Variants in GRM3 observed in about 807,000 individuals in gnomAD.
GRM3 encodes the protein metabotropic glutamate receptor 3.
In GRM3, 26 loss-of-function variants were observed where a neutral mutation model predicts 70.5. The observed-to-expected ratio is 0.37, with a 90% CI of 0.27 to 0.51. The LOEUF is 0.51. Ranked by LOEUF, GRM3 falls within the 20% of genes least tolerant of loss-of-function variation. GRM3 has a pLI of 0.93. For synonymous variants in GRM3, 443 were observed against 434.9 expected (o/e 1.02, Z -0.23); for missense variants, 859 against 1,123.8 (o/e 0.76, Z 3.37).
chr7:86,732,150 A>G (rs1295580465), intron 1 of GRM3, among the ~76,000 whole-genome samples: 1 of 152,196 alleles, frequency 6.6e-6, no homozygotes, highest in Non-Finnish European at 1.5e-5. Context: ...TTCAAAATAT[A>G]TGTATTAAGA....
At chr7:86,852,002 A>T (rs1445205722) in intron 5 of GRM3, among the ~76,000 whole-genome samples, 1 of 152,080 alleles carries the variant, frequency 6.6e-6, no homozygotes, top group Admixed American at 6.6e-5. Context: ...CTTTACACAC[A>T]TGTGTGTATG....
chr7:86,764,712 AC>A (rs1328611328), intron 1 of GRM3, among the ~76,000 whole-genome samples: 1 of 152,066 alleles, frequency 6.6e-6, no homozygotes, highest in Non-Finnish European at 1.5e-5. Flanking sequence ...AGAAAAAAAA[AC>A]AAAACACAAA....
chr7:86,864,624 A>T lies in GRM3; in HGVS notation c.*269A>T. The T allele has an allele frequency of 3.7e-6, 1 of 268,400 alleles. No homozygotes were observed. The highest frequency in any genetic ancestry group is 6.2e-5 in the East Asian group (1 of 16,248). 16.6% of individuals were successfully genotyped at this position (268,400 alleles called of 1,614,324 possible). A position where few individuals can be genotyped will look rare whatever the true frequency, so the allele number is the denominator to read the frequency against. On this transcript the variant is annotated 3_prime_UTR_variant, in exon 6 of 6. Transcript: ENST00000361669. The stretch of plus-strand genomic sequence containing the variant: ...ATTGGTGACAGGGTCTGACATGGTC[A>T]GTCTACTAAAAAACAAAAAAAAAAA...
At chr7:86,793,926 A>G (rs1797486663) in intron 3 of GRM3, among the ~76,000 whole-genome samples, 1 of 152,168 alleles carries the variant, frequency 6.6e-6, no homozygotes, top group Non-Finnish European at 1.5e-5. Context: ...TATGAAAGAA[A>G]TGGATCATAC....
At chr7:86,802,542 C>T (rs1048125384) in intron 3 of GRM3, among the ~76,000 whole-genome samples, 6 of 151,576 alleles carry the variant, frequency 4.0e-5, no homozygotes, top group African/African-American at 7.3e-5. Flanking sequence ...CATCAGATTG[C>T]GCCAGATCAA....
At chr7:86,788,591 T>G (rs1797328726) in intron 3 of GRM3, among the ~76,000 whole-genome samples, 1 of 151,970 alleles carries the variant, frequency 6.6e-6, no homozygotes, top group South Asian at 2.1e-4. Context: ...ATAAAAAGAG[T>G]AATAAATGAG....
At chr7:86,817,947 A>C (rs1427168244) in intron 3 of GRM3, among the ~76,000 whole-genome samples, 1 of 152,006 alleles carries the variant, frequency 6.6e-6, no homozygotes, top group Non-Finnish European at 1.5e-5. Context: ...AGATCAATGC[A>C]ATACATGCAC....
At chr7:86,833,653 G>A (rs1798398620) in intron 3 of GRM3, among the ~76,000 whole-genome samples, 1 of 152,104 alleles carries the variant, frequency 6.6e-6, no homozygotes, top group Non-Finnish European at 1.5e-5. Flanking sequence ...CATTGCGTTC[G>A]AAATAACCGT....
intron 2 of GRM3, among the ~76,000 whole-genome samples, chr7:86,767,518 TATA>T (rs1796631939): frequency 2.5e-4 from 1 of 4,060 alleles, no homozygotes; most frequent in African/African-American, 3.8e-3. Flanking sequence ...ATACTTCATA[TATA>T]TATATATATA....
chr7:86,794,127 G>A (rs1162215945), intron 3 of GRM3, among the ~76,000 whole-genome samples: 1 of 151,748 alleles, frequency 6.6e-6, no homozygotes, highest in Non-Finnish European at 1.5e-5. Flanking sequence ...CCTTATCTAT[G>A]TCCCTTTCAA....
At chr7:86,653,128 A>G (rs802428) in intron 1 of GRM3, among the ~76,000 whole-genome samples, 100,370 of 151,974 alleles carry the variant, frequency 0.66, 33,502 homozygotes, top group East Asian at 0.87. Flanking sequence ...CCTCTTCCCA[A>G]GCCACTTTTT....
In GRM3 at chr7:86,703,740, C is replaced by T. The variant is rs182506025; in HGVS notation, c.-141+58868C>T. On this transcript the variant is annotated intron_variant, in intron 1 of 5. Transcript: ENST00000361669. ...AAAAAGAAATGGAAAGTTGACGGCA[C>T]AGTCAGAACATCAGAGTTCCATTGA... Among the ~76,000 whole-genome samples, 45 of 152,066 alleles carry T rather than the reference C, an allele frequency of 3.0e-4. No individual in the cohort carries two copies. In the East Asian group the frequency reaches 8.5e-3, roughly 29 times the overall value.
intron 1 of GRM3, among the ~76,000 whole-genome samples, chr7:86,665,284 A>G (rs535753814): frequency 6.6e-6 from 1 of 152,180 alleles, no homozygotes; most frequent in South Asian, 2.1e-4. Context: ...TGAAAGTCAT[A>G]TTAAATTTCT....
At chr7:86,663,057 A>G (rs910501511) in intron 1 of GRM3, among the ~76,000 whole-genome samples, 14 of 151,926 alleles carry the variant, frequency 9.2e-5, no homozygotes, top group African/African-American at 3.4e-4. Flanking sequence ...CAAATCCTTA[A>G]TGACCTTTTA....
At chr7:86,862,769 T>G (rs1434397266) in intron 5 of GRM3, among the ~76,000 whole-genome samples, 1 of 152,162 alleles carries the variant, frequency 6.6e-6, no homozygotes, top group African/African-American at 2.4e-5. Flanking sequence ...GTGCCCCAAG[T>G]ATAGTGAATG....
chr7:86,739,138 G>C (rs578231905), intron 1 of GRM3, among the ~76,000 whole-genome samples: 89 of 152,134 alleles, frequency 5.9e-4, no homozygotes, highest in African/African-American at 2.0e-3. Flanking sequence ...CATTATGCCT[G>C]GCTAAGTTTT....
Position 86,786,730 on chromosome 7 carries a change from G to A in GRM3, c.938G>A (p.Ser313Asn). The change falls in exon 3 of 6, where the codon AGC becomes AAC. Residue 313 changes from serine to asparagine, a missense_variant. Transcript: ENST00000361669. The surrounding 1 kb of genome is among the most constrained non-coding windows in gnomAD (Gnocchi z 6.0). ...GCGCAGGAGAGCATCATCAAGGGCA[G>A]CGAGCATGTGGCCTACGGCGCCATC... Reference protein sequence around the residue: ...WGAQESIIKGSEHVAYGAITL... With the variant: ...WGAQESIIKGNEHVAYGAITL... 6.2e-7 allele frequency: 1 copy of A among 1,613,428 alleles called. No homozygotes were observed. The highest frequency in any genetic ancestry group is 2.2e-5 in the East Asian group (1 of 44,882).
intron 1 of GRM3, among the ~76,000 whole-genome samples, chr7:86,735,869 A>G (rs1285356890): frequency 1.3e-5 from 2 of 152,246 alleles, no homozygotes; most frequent in Non-Finnish European, 2.9e-5. Flanking sequence ...TAATTCTTTG[A>G]AAACACTCAA....
intron 1 of GRM3, among the ~76,000 whole-genome samples, chr7:86,746,019 T>A (rs767621237): frequency 6.6e-6 from 1 of 152,036 alleles, no homozygotes; most frequent in Non-Finnish European, 1.5e-5. Context: ...AAAAATAGGT[T>A]CTTGATAAGT....
Sources: allele counts gnomAD v4.1 joint callset (sites outside exome capture counted in the v4.1 genomes callset), GRCh38; gene constraint gnomAD v4.1.1; non-coding constraint Gnocchi (gnomAD v3.1); transcripts MANE v1.5; gene names NCBI Gene and HGNC (gene_info 2026-07-23, HGNC 2026-07-21).